Variants in PLEKHH2 observed in about 807,000 individuals in gnomAD.
PLEKHH2 encodes the protein pleckstrin homology domain-containing family H member 2.
A neutral mutation model predicts 187.9 loss-of-function variants in PLEKHH2; 129 were observed. The ratio of observed to expected loss-of-function variants is 0.69; its 90% CI spans 0.59 to 0.79. The LOEUF (loss-of-function observed/expected upper bound fraction) is 0.79. Ranked by LOEUF, PLEKHH2 falls within the 30% of genes least tolerant of loss-of-function variation. The pLI, the probability that PLEKHH2 is intolerant of heterozygous loss-of-function variation, is 0.00. For missense variants in PLEKHH2, 2,076 were observed against 1,751.2 expected (o/e 1.19, Z -3.31); for synonymous variants, 686 against 605.6 (o/e 1.13, Z -1.95).
chr2:43,754,067 G>C (rs1289523250), intron 25 of PLEKHH2, among the ~76,000 whole-genome samples: 1 of 144,850 alleles, frequency 6.9e-6, no homozygotes, highest in Admixed American at 6.8e-5. Context: ...ATGTCATGCT[G>C]AAATCGCTTG....
intron 24 of PLEKHH2, among the ~76,000 whole-genome samples, chr2:43,750,891 A>T (rs1358415517): frequency 6.6e-6 from 1 of 152,194 alleles, no homozygotes; most frequent in Non-Finnish European, 1.5e-5. Flanking sequence ...CTTCCAGTTT[A>T]TAGGGAGAGG....
At chr2:43,747,724 TA>T (rs1671838570) in intron 24 of PLEKHH2, among the ~76,000 whole-genome samples, 1 of 152,228 alleles carries the variant, frequency 6.6e-6, no homozygotes, top group Admixed American at 6.5e-5. Flanking sequence ...TTGAGTCTTA[TA>T]CCCTGTAAAT....
intron 15 of PLEKHH2, among the ~76,000 whole-genome samples, chr2:43,713,719 A>T (rs1670080582): frequency 6.6e-6 from 1 of 151,676 alleles, no homozygotes; most frequent in Non-Finnish European, 1.5e-5. Flanking sequence ...AGTTTTAAAA[A>T]GTCCTATTGG....
intron 18 of PLEKHH2, 88 bp downstream of exon 18, chr2:43,729,833 T>C: frequency 1.2e-6 from 1 of 803,156 alleles, no homozygotes; most frequent in Non-Finnish European, 1.8e-6. Context: ...ACTTAATGGG[T>C]TCCTGTTTCC....
rs771091989 is a variant in PLEKHH2 at position 43,700,626 on chromosome 2, T to A, written c.1650+18T>A. On this transcript the variant is annotated intron_variant, in intron 8 of 29. Transcript: ENST00000282406. The stretch of plus-strand genomic sequence containing the variant: ...CTTCTTGGGTAATTATATCACCGCA[T>A]GTAACACATACGCAGTAGTTTTTTT... 4 of 1,591,344 alleles carry A rather than the reference T, an allele frequency of 2.5e-6. No individual in the cohort carries two copies. In the Admixed American group the frequency reaches 7.0e-5, roughly 28 times the overall value.
intron 25 of PLEKHH2, among the ~76,000 whole-genome samples, chr2:43,754,246 C>T (rs945032831): frequency 1.3e-5 from 2 of 151,754 alleles, no homozygotes; most frequent in Admixed American, 6.6e-5. Flanking sequence ...GTATATTTAG[C>T]GCTCACATAG....
intron 24 of PLEKHH2, among the ~76,000 whole-genome samples, chr2:43,747,048 T>G (rs1671809917): frequency 6.6e-6 from 1 of 151,990 alleles, no homozygotes; most frequent in Non-Finnish European, 1.5e-5. Context: ...ATACTCATAT[T>G]TATTCCTTCT....
At chr2:43,749,978 G>A (rs897619978) in intron 24 of PLEKHH2, among the ~76,000 whole-genome samples, 1 of 152,194 alleles carries the variant, frequency 6.6e-6, no homozygotes, top group Non-Finnish European at 1.5e-5. Context: ...ATAGACAACC[G>A]TTGGCAACTA....
At chr2:43,680,448 A>G (rs550728913) in intron 3 of PLEKHH2, 3 of 156,184 alleles carry the variant, frequency 1.9e-5, no homozygotes, top group African/African-American at 7.2e-5. Flanking sequence ...AGGCTTAAAT[A>G]CAAAATTATT....
chr2:43,639,656 T>C (rs1703277076), intron 1 of PLEKHH2, among the ~76,000 whole-genome samples: 2 of 140,604 alleles, frequency 1.4e-5, no homozygotes, highest in Non-Finnish European at 3.1e-5. Context: ...ACCACTTTTT[T>C]TTTTTTTTTT....
chr2:43,721,776 C>A (rs1054265493), intron 16 of PLEKHH2, among the ~76,000 whole-genome samples: 1 of 152,096 alleles, frequency 6.6e-6, no homozygotes, highest in Non-Finnish European at 1.5e-5. Flanking sequence ...GTCCCAACTA[C>A]TAGGGAGATC....
At chr2:43,754,494 A>T (rs950929710) in intron 25 of PLEKHH2, among the ~76,000 whole-genome samples, 1 of 152,194 alleles carries the variant, frequency 6.6e-6, no homozygotes, top group Non-Finnish European at 1.5e-5. Flanking sequence ...CTCTCCCATC[A>T]GAATTTAGTC....
intron 8 of PLEKHH2, among the ~76,000 whole-genome samples, chr2:43,701,976 C>A (rs1669395305): frequency 6.6e-6 from 1 of 152,148 alleles, no homozygotes; most frequent in Non-Finnish European, 1.5e-5. Context: ...ACCATGTTGG[C>A]CAGGCTGGTC....
At position 43,646,227 on chromosome 2, in the gene PLEKHH2, T is replaced by G. The variant is rs539430166; in HGVS notation, c.123+1431T>G. The stretch of plus-strand genomic sequence containing the variant: ...TTGAGTATCTCCAAGTTGGAGAAGT[T>G]TTTTCTAACGTAACTTAGTGACTCA... On this transcript the variant is annotated intron_variant, in intron 2 of 29. Transcript: ENST00000282406. Among the ~76,000 whole-genome samples, 109 of 152,310 alleles carry G rather than the reference T, an allele frequency of 7.2e-4. 1 individual carries two copies. The highest frequency in any genetic ancestry group is 2.3e-3 in the South Asian group (11 of 4,830).
Position 43,705,251 on chromosome 2 carries a change from C to CTT in PLEKHH2, c.1727-1050_1727-1049dup, listed in dbSNP as rs5830767. 5.6e-3 allele frequency among the ~76,000 whole-genome samples: 540 copies of CTT among 95,810 alleles called. 35 individuals are homozygous for CTT. Among genetic ancestry groups the CTT allele is most frequent in the African/African-American group, 0.018 (428 of 23,362 alleles). The allele number at this position is 95,810 out of a possible 152,430, so 62.9% of individuals were successfully genotyped here. On this transcript the variant is annotated intron_variant, in intron 9 of 29. Coordinates refer to ENST00000282406, the MANE Select transcript of PLEKHH2 (RefSeq NM_172069.4). Reference sequence around the variant, plus strand: ...TTCTTTCCATTCAGGAAATTTTATCCTTTTTTTTTTTTTTTTTTTTTTGAG... The same window carrying CTT: ...TTCTTTCCATTCAGGAAATTTTATCCTTTTTTTTTTTTTTTTTTTTTTTTGAG...
intron 2 of PLEKHH2, among the ~76,000 whole-genome samples, chr2:43,667,014 A>C (rs749927924): frequency 2.8e-4 from 43 of 152,210 alleles, no homozygotes; most frequent in Non-Finnish European, 6.0e-4. Flanking sequence ...CAGACACTTA[A>C]AATGGGTATA....
intron 9 of PLEKHH2, 82 bp from the exon 10 acceptor site, chr2:43,706,240 T>C: frequency 1.1e-6 from 1 of 929,442 alleles, no homozygotes; most frequent in African/African-American, 1.6e-5. Context: ...ATGGAGATTA[T>C]GCTCATTTGT....
At chr2:43,754,561 G>C (rs541647486) in intron 25 of PLEKHH2, among the ~76,000 whole-genome samples, 1 of 152,308 alleles carries the variant, frequency 6.6e-6, no homozygotes, top group East Asian at 1.9e-4. Flanking sequence ...TCAGCGGGGT[G>C]GCAGTGTGCC....
In PLEKHH2 at chr2:43,741,051, G is replaced by C. The variant is rs1163858029; in HGVS notation, c.3221+8G>C. ...GAGGAATGCAGATTCCAGGTGTGCA[G>C]AATACTAGCCAGCTGAACTGTTTAT... On this transcript the variant is annotated splice_region_variant and intron_variant, in intron 21 of 29. Coordinates refer to ENST00000282406, the MANE Select transcript of PLEKHH2 (RefSeq NM_172069.4). 6.2e-7 allele frequency: 1 copy of C among 1,601,752 alleles called. No homozygotes were observed. The highest frequency in any genetic ancestry group is 8.6e-7 in the Non-Finnish European group (1 of 1,169,296).
Sources: gnomAD v4.1 joint callset for allele counts (sites outside exome capture counted in the v4.1 genomes callset) on GRCh38, gnomAD v4.1.1 for gene constraint, MANE v1.5 for transcripts, NCBI Gene and HGNC (gene_info 2026-07-23, HGNC 2026-07-21) for gene names.